MECR: variants seen among roughly 807,000 people sequenced by gnomAD.
The protein encoded by MECR is mitochondrial trans-2-enoyl-CoA reductase, also known as enoyl-[acyl-carrier-protein] reductase, mitochondrial.
MECR carries 37 observed loss-of-function variants against 49.1 expected under a neutral mutation model. The ratio of observed to expected loss-of-function variants is 0.75; its 90% CI spans 0.58 to 0.99. MECR has a LOEUF of 0.99. MECR is among the 50% of genes least tolerant of loss of function. The probability of loss-of-function intolerance (pLI) is 0.00; values close to 1 mark genes in which losing one functional copy is unlikely to be tolerated. For missense variants in MECR, 470 were observed against 479.6 expected (o/e 0.98, Z 0.19); for synonymous variants, 198 against 191.1 (o/e 1.04, Z -0.30).
the MECR span, among the ~76,000 whole-genome samples, chr1:29,176,486 CT>C: frequency 0.016 from 1,950 of 120,206 alleles, 44 homozygotes; most frequent in African/African-American, 0.067. Flanking sequence ...AAACTAAAAA[CT>C]TTAAAAAAAA....
Sources: allele counts gnomAD v4.1 joint callset (sites outside exome capture counted in the v4.1 genomes callset), GRCh38; gene constraint gnomAD v4.1.1; transcripts MANE v1.5; gene names NCBI Gene and HGNC (gene_info 2026-07-23, HGNC 2026-07-21).